Variants in MGAT4C observed in about 807,000 individuals in gnomAD.
MGAT4C encodes the protein alpha-1,3-mannosyl-glycoprotein 4-beta-N-acetylglucosaminyltransferase C.
Under a neutral mutation model 40.1 loss-of-function variants are expected in MGAT4C, and 19 were observed. The observed-to-expected ratio is 0.47, with a 90% CI of 0.33 to 0.70. The LOEUF (loss-of-function observed/expected upper bound fraction) is 0.70, where lower values mean the gene tolerates loss of function less well. MGAT4C is among the 30% of genes least tolerant of loss of function. The pLI, the probability that MGAT4C is intolerant of heterozygous loss-of-function variation, is 0.02. For synonymous variants in MGAT4C, 181 were observed against 187.1 expected (o/e 0.97, Z 0.27); for missense variants, 491 against 563.2 (o/e 0.87, Z 1.30).
intron 2 of MGAT4C, among the ~76,000 whole-genome samples, chr12:86,592,058 T>C (rs1443674718): frequency 6.6e-6 from 1 of 152,120 alleles, no homozygotes; most frequent in Non-Finnish European, 1.5e-5. Context: ...CAATTTATAG[T>C]AGCATGGAAA....
chr12:86,102,881 A>AT lies in MGAT4C; in HGVS notation c.-56-53159dup, dbSNP rs201921143. Among the ~76,000 whole-genome samples the AT allele has an allele frequency of 3.4e-3, 521 of 151,816 alleles. 3 individuals carry two copies. The highest frequency in any genetic ancestry group is 7.7e-3 in the South Asian group (37 of 4,814). Reference sequence around the variant, plus strand: ...TAGCCATTTAAATTTAATAATTCTTATTTTTTTTGCAACATGCAATAGAGA... The same window carrying AT: ...TAGCCATTTAAATTTAATAATTCTTATTTTTTTTTGCAACATGCAATAGAGA... On this transcript the variant is annotated intron_variant, in intron 1 of 4. Coordinates refer to ENST00000611864, the MANE Select transcript of MGAT4C (RefSeq NM_001351288.2).
intron 3 of MGAT4C, among the ~76,000 whole-genome samples, chr12:86,375,561 T>C (rs1955808544): frequency 6.6e-6 from 1 of 152,090 alleles, no homozygotes; most frequent in African/African-American, 2.4e-5. Context: ...TGTATAAGCA[T>C]AAATAAATAT....
intron 2 of MGAT4C, among the ~76,000 whole-genome samples, chr12:86,439,535 C>T (rs949246509): frequency 2.0e-5 from 3 of 151,794 alleles, no homozygotes; most frequent in African/African-American, 4.8e-5. Context: ...TGAAAGATCA[C>T]AAATAGACAA....
At chr12:86,140,332 C>T (rs1026438056) in intron 1 of MGAT4C, among the ~76,000 whole-genome samples, 1 of 151,968 alleles carries the variant, frequency 6.6e-6, no homozygotes, top group African/African-American at 2.4e-5. Context: ...AAAATGTGCC[C>T]CTATGTCCTT....
In MGAT4C at chr12:86,800,069, C is replaced by T. The variant is rs1052343247; in HGVS notation, c.-262+38597G>A. On this transcript the variant is annotated intron_variant, in intron 1 of 7. Transcript: ENST00000548651. The stretch of plus-strand genomic sequence containing the variant: ...TGCAGCCATTGACTTTTCCATCCTT[C>T]CTACTATTTACTTCAGGGCAATTAA... Among the ~76,000 whole-genome samples, 4 of 151,920 alleles carry T rather than the reference C, an allele frequency of 2.6e-5. No individual in the cohort carries two copies. In the Admixed American group the frequency reaches 2.6e-4, roughly 10 times the overall value.
intron 1 of MGAT4C, among the ~76,000 whole-genome samples, chr12:86,238,924 T>C (rs577486497): frequency 6.6e-6 from 1 of 152,160 alleles, no homozygotes; most frequent in South Asian, 2.1e-4. Context: ...CATTAAAAAG[T>C]ATTCTATAAA....
At chr12:86,125,625 T>G (rs1486772938) in intron 1 of MGAT4C, among the ~76,000 whole-genome samples, 1 of 152,180 alleles carries the variant, frequency 6.6e-6, no homozygotes, top group Admixed American at 6.5e-5. Context: ...AAGAATAGTT[T>G]CCTTTCAATG....
intron 3 of MGAT4C, among the ~76,000 whole-genome samples, chr12:86,336,850 C>G (rs577851042): frequency 6.6e-6 from 1 of 152,148 alleles, no homozygotes; most frequent in East Asian, 1.9e-4. Context: ...TATTTGTATG[C>G]GAGTTCACTT....
chr12:86,259,991 C>T (rs554479327), upstream of MGAT4C, among the ~76,000 whole-genome samples: 112 of 59,088 alleles, frequency 1.9e-3, no homozygotes, highest in African/African-American at 7.3e-3. Context: ...AGGAAGCTAA[C>T]CAATTTTAAT....
intron 2 of MGAT4C, among the ~76,000 whole-genome samples, chr12:86,461,618 T>A (rs1384675686): frequency 6.6e-6 from 1 of 152,126 alleles, no homozygotes; most frequent in Non-Finnish European, 1.5e-5. Flanking sequence ...GGCTTCTACA[T>A]TTCAATAGAA....
chr12:86,781,019 T>G (rs1593201188), intron 1 of MGAT4C, among the ~76,000 whole-genome samples: 1 of 151,916 alleles, frequency 6.6e-6, no homozygotes, highest in East Asian at 1.9e-4. Context: ...GTATTGTGTG[T>G]GTGTGTGTGT....
chr12:86,460,341 C>T (rs535612303), intron 2 of MGAT4C, among the ~76,000 whole-genome samples: 8 of 152,240 alleles, frequency 5.3e-5, no homozygotes, highest in South Asian at 2.1e-4. Flanking sequence ...TAAACTCCTT[C>T]CTATGTTAAG....
intron 4 of MGAT4C, among the ~76,000 whole-genome samples, chr12:86,294,393 TA>T (rs780841941): frequency 1.8e-4 from 28 of 152,062 alleles, no homozygotes; most frequent in Non-Finnish European, 3.5e-4. Flanking sequence ...TCCTTGCTTT[TA>T]TCACTCTTCT....
chr12:86,779,828 G>C (rs1951807892), intron 1 of MGAT4C, among the ~76,000 whole-genome samples: 1 of 152,026 alleles, frequency 6.6e-6, no homozygotes, highest in South Asian at 2.1e-4. Context: ...CAGGAGAATG[G>C]CGTGAACCCA....
chr12:86,308,710 T>A (rs1953999907), intron 4 of MGAT4C, among the ~76,000 whole-genome samples: 1 of 150,650 alleles, frequency 6.6e-6, no homozygotes, highest in Non-Finnish European at 1.5e-5. Flanking sequence ...TTCAATCAAA[T>A]ACAGAAGTCC....
chr12:86,486,693 T>A (rs1477774132), intron 2 of MGAT4C, among the ~76,000 whole-genome samples: 1 of 152,138 alleles, frequency 6.6e-6, no homozygotes, highest in Non-Finnish European at 1.5e-5. Flanking sequence ...AACAAAAAAA[T>A]TCTGGACTTA....
intron 2 of MGAT4C, among the ~76,000 whole-genome samples, chr12:86,469,996 G>A (rs1217841983): frequency 6.6e-6 from 1 of 152,030 alleles, no homozygotes; most frequent in Non-Finnish European, 1.5e-5. Flanking sequence ...TGTTGCAAAA[G>A]GTAGGATTTC....
At chr12:86,684,052 A>T (rs1261884779) in intron 2 of MGAT4C, among the ~76,000 whole-genome samples, 1 of 152,124 alleles carries the variant, frequency 6.6e-6, no homozygotes, top group African/African-American at 2.4e-5. Context: ...ACACCCAATT[A>T]TTCATTACCC....
At chr12:86,782,448 T>C (rs1459719635) in intron 1 of MGAT4C, among the ~76,000 whole-genome samples, 1 of 152,126 alleles carries the variant, frequency 6.6e-6, no homozygotes, top group Non-Finnish European at 1.5e-5. Context: ...CCTAAAGTGC[T>C]GGGATTACAG....
Sources: gnomAD v4.1 joint callset for allele counts (sites outside exome capture counted in the v4.1 genomes callset) on GRCh38, gnomAD v4.1.1 for gene constraint, MANE v1.5 for transcripts, NCBI Gene and HGNC (gene_info 2026-07-23, HGNC 2026-07-21) for gene names.